Variants in EPHA5 observed in about 807,000 individuals in gnomAD.
EPHA5 encodes ephrin type-A receptor 5.
A neutral mutation model predicts 105.0 loss-of-function variants in EPHA5; 60 were observed. The observed-to-expected ratio is 0.57, with a 90% CI of 0.46 to 0.71. The LOEUF (loss-of-function observed/expected upper bound fraction) is 0.71. Among genes scored for constraint, EPHA5 ranks in the 30% least tolerant of loss-of-function variants. EPHA5 has a pLI of 0.00. For missense variants in EPHA5, 1,218 were observed against 1,274.7 expected (o/e 0.96, Z 0.68); for synonymous variants, 513 against 449.1 (o/e 1.14, Z -1.80).
intron 3 of EPHA5, among the ~76,000 whole-genome samples, chr4:65,499,649 T>C (rs1187607562): frequency 3.3e-5 from 5 of 151,418 alleles, no homozygotes; most frequent in Non-Finnish European, 7.4e-5. Flanking sequence ...AATGCTAGCA[T>C]AGCCTACAAG....
At chr4:65,438,767 A>G (rs1251948682) in intron 5 of EPHA5, among the ~76,000 whole-genome samples, 1 of 122,910 alleles carries the variant, frequency 8.1e-6, no homozygotes, top group Non-Finnish European at 1.9e-5. Context: ...TTTTATTTGG[A>G]AAAAAAAATA....
At chr4:65,517,016 G>A (rs970398714) in intron 3 of EPHA5, among the ~76,000 whole-genome samples, 1 of 152,024 alleles carries the variant, frequency 6.6e-6, no homozygotes, top group Non-Finnish European at 1.5e-5. Context: ...ATCTATATTT[G>A]TACTGATTTC....
chr4:65,446,781 T>C (rs764405144), intron 5 of EPHA5, among the ~76,000 whole-genome samples: 1 of 152,094 alleles, frequency 6.6e-6, no homozygotes, highest in Non-Finnish European at 1.5e-5. Flanking sequence ...TACTTAAATA[T>C]GTTTCTATAT....
At chr4:65,555,939 A>G (rs1738394575) in intron 3 of EPHA5, among the ~76,000 whole-genome samples, 2 of 152,154 alleles carry the variant, frequency 1.3e-5, no homozygotes, top group African/African-American at 4.8e-5. Context: ...AACATATAAC[A>G]GCTTTCCAAA....
chr4:65,531,287 T>A (rs907921583), intron 3 of EPHA5, among the ~76,000 whole-genome samples: 3 of 151,918 alleles, frequency 2.0e-5, no homozygotes, highest in Non-Finnish European at 4.4e-5. Flanking sequence ...TCCACCCGCC[T>A]CGGCCTCCCA....
intron 2 of EPHA5, among the ~76,000 whole-genome samples, chr4:65,613,296 G>A (rs1376372257): frequency 6.6e-6 from 1 of 152,058 alleles, no homozygotes; most frequent in Non-Finnish European, 1.5e-5. Flanking sequence ...ATAATTTGAA[G>A]TTAGGTAATG....
intron 3 of EPHA5, among the ~76,000 whole-genome samples, chr4:65,531,657 G>C (rs1017318487): frequency 6.6e-6 from 1 of 151,098 alleles, no homozygotes; most frequent in Non-Finnish European, 1.5e-5. Flanking sequence ...AATGATCCAG[G>C]AATCTGATCA....
intron 2 of EPHA5, among the ~76,000 whole-genome samples, chr4:65,617,998 A>G (rs186404781): frequency 3.8e-4 from 58 of 152,252 alleles, no homozygotes; most frequent in African/African-American, 1.3e-3. Flanking sequence ...TTGAGGCTTG[A>G]TCTAACCAGT....
At position 65,629,404 on chromosome 4, in the gene EPHA5, A is replaced by G. The variant is rs115410876; in HGVS notation, c.246+13959T>C. Reference sequence around the variant, plus strand: ...AGTCAAAGCATCATAGAGGAACAGAAGTATTTCTGTTATGGAAAAGAATGA... The same window carrying G: ...AGTCAAAGCATCATAGAGGAACAGAGGTATTTCTGTTATGGAAAAGAATGA... On this transcript the variant is annotated intron_variant, in intron 2 of 16. Coordinates refer to ENST00000613740, the MANE Select transcript of EPHA5 (RefSeq NM_001281766.3). 5.8e-3 allele frequency among the ~76,000 whole-genome samples: 877 copies of G among 152,318 alleles called. 11 individuals carry two copies. The highest frequency in any genetic ancestry group is 0.02 in the African/African-American group (838 of 41,574).
chr4:65,526,314 C>A (rs1018456382), intron 3 of EPHA5, among the ~76,000 whole-genome samples: 3 of 151,732 alleles, frequency 2.0e-5, no homozygotes, highest in African/African-American at 7.3e-5. Context: ...AGTATCCAAC[C>A]ACAAATAGTT....
intron 12 of EPHA5, among the ~76,000 whole-genome samples, chr4:65,352,654 C>T (rs905308074): frequency 1.3e-5 from 2 of 152,010 alleles, no homozygotes; most frequent in Admixed American, 6.6e-5. Flanking sequence ...GCTATTTACA[C>T]GTTTTCTTGC....
chr4:65,367,495 G>T (rs1203384928), intron 8 of EPHA5, 71 bp from the exon 9 acceptor site: 6 of 1,396,640 alleles, frequency 4.3e-6, no homozygotes, highest in Non-Finnish European at 6.1e-6. Flanking sequence ...CCAGAAGCAT[G>T]AAGCACAACT....
In EPHA5 at chr4:65,319,735, G is replaced by A. The variant is rs1719489600; in HGVS notation, c.*4379C>T. On this transcript the variant is annotated 3_prime_UTR_variant, in exon 17 of 17. Transcript: ENST00000613740. ...AGACAGGAACTTGAGATAGCCTGATGTATATCATAGAATAAGATATGCTAT... is the reference window on the plus strand; with the variant it reads ...AGACAGGAACTTGAGATAGCCTGATATATATCATAGAATAAGATATGCTAT... The A allele has an allele frequency of 4.4e-6, 1 of 226,886 alleles. No individual in the cohort carries two copies. Among genetic ancestry groups the A allele is most frequent in the Non-Finnish European group, 8.8e-6 (1 of 114,028 alleles). The allele number at this position is 226,886 out of a possible 1,614,324, so 14.1% of individuals were successfully genotyped here.
chr4:65,542,835 G>A (rs1012297400), intron 3 of EPHA5, among the ~76,000 whole-genome samples: 2 of 151,710 alleles, frequency 1.3e-5, no homozygotes, highest in African/African-American at 4.8e-5. Context: ...TAAAATACTG[G>A]CAAATCAAAT....
intron 2 of EPHA5, among the ~76,000 whole-genome samples, chr4:65,637,273 A>C (rs1273953817): frequency 6.6e-6 from 1 of 151,718 alleles, no homozygotes; most frequent in African/African-American, 2.4e-5. Context: ...AACAAAAAAA[A>C]ATGTGGATGC....
intron 8 of EPHA5, 112 bp from the exon 9 acceptor site, chr4:65,367,536 T>C (rs1560460550): frequency 1.1e-6 from 1 of 928,556 alleles, no homozygotes; most frequent in Non-Finnish European, 1.7e-6. Flanking sequence ...CTGATTTTCA[T>C]ACTAGTAGTT....
chr4:65,348,791 G>GTATATA (rs1207534628), intron 13 of EPHA5, among the ~76,000 whole-genome samples: 1 of 19,910 alleles, frequency 5.0e-5, no homozygotes, highest in Non-Finnish European at 1.6e-4. Flanking sequence ...GTGTGTGTGT[G>GTATATA]TGTATATATA....
chr4:65,324,032 C>A lies in EPHA5; in HGVS notation c.*82G>T. The A allele has an allele frequency of 1.1e-6, 1 of 898,230 alleles. No homozygotes were observed. Among genetic ancestry groups the A allele is most frequent in the South Asian group, 1.5e-5 (1 of 64,924 alleles). 55.6% of individuals were successfully genotyped at this position (898,230 alleles called of 1,614,324 possible). On this transcript the variant is annotated 3_prime_UTR_variant, in exon 17 of 17. Coordinates refer to ENST00000613740, the MANE Select transcript of EPHA5 (RefSeq NM_001281766.3). ...TTAGAAATCACTGTTTTCCCTTTTC[C>A]CCCTTTTTTTGTTAAAATAAATCTC...
In EPHA5 at chr4:65,669,301, TC is replaced by T. The variant is rs970496248; in HGVS notation, c.181+260del. 8.8e-6 allele frequency: 7 copies of T among 797,368 alleles called. No homozygotes were observed. The African/African-American group carries it at 9.3e-5, about 11-fold the overall frequency. 49.4% of individuals were successfully genotyped at this position (797,368 alleles called of 1,614,324 possible). A position where few individuals can be genotyped will look rare whatever the true frequency, so the allele number is the denominator to read the frequency against. ...CTCGACCTCCTTTCCCCCAAGGTTTTCCACCTTCCCAGCCCCCCAACCAGCC... is the reference window on the plus strand; with the variant it reads ...CTCGACCTCCTTTCCCCCAAGGTTTTCACCTTCCCAGCCCCCCAACCAGCC... On this transcript the variant is annotated intron_variant, in intron 1 of 16. Coordinates refer to ENST00000613740, the MANE Select transcript of EPHA5 (RefSeq NM_001281766.3).
Sources: allele counts gnomAD v4.1 joint callset (sites outside exome capture counted in the v4.1 genomes callset), GRCh38; gene constraint gnomAD v4.1.1; transcripts MANE v1.5; gene names NCBI Gene and HGNC (gene_info 2026-07-23, HGNC 2026-07-21).